Variants in CAMK4 observed in about 807,000 individuals in gnomAD.
CAMK4 encodes calcium/calmodulin dependent protein kinase IV.
In CAMK4, 22 loss-of-function variants were observed where a neutral mutation model predicts 44.9. That is an observed-to-expected ratio of 0.49 (90% CI 0.35 to 0.70). CAMK4 has a LOEUF of 0.70. CAMK4 is among the 30% of genes least tolerant of loss of function. The pLI is 0.01. For synonymous variants in CAMK4, 218 were observed against 215.4 expected, an observed-to-expected ratio of 1.01 and a Z score of -0.11; for missense variants, 498 against 586.8, an observed-to-expected ratio of 0.85 and a Z score of 1.56.
chr5:111,224,718 A>T lies in CAMK4; in HGVS notation c.161+74A>T. 7.0e-7 allele frequency: 1 copy of T among 1,423,326 alleles called. No individual in the cohort carries two copies. Among genetic ancestry groups the T allele is most frequent in the Non-Finnish European group, 9.6e-7 (1 of 1,045,410 alleles). 88.2% of individuals were successfully genotyped at this position (1,423,326 alleles called of 1,614,324 possible). ...TGTCCCTCTCGCAGCGACGGCTCGG[A>T]GGGTGCGGGAGCCTGCCTTCGTGCC... On this transcript the variant is annotated intron_variant, in intron 1 of 10. Coordinates refer to ENST00000282356, the MANE Select transcript of CAMK4 (RefSeq NM_001744.6). This position sits in a 1 kb window ranked among gnomAD's most constrained non-coding sequence, Gnocchi z 5.7.
intron 1 of CAMK4, among the ~76,000 whole-genome samples, chr5:111,264,896 G>T (rs765030921): frequency 7.9e-5 from 12 of 152,056 alleles, no homozygotes; most frequent in Non-Finnish European, 1.5e-4. Context: ...CATGGTGTCA[G>T]ATCCCTCTGT....
At chr5:111,410,372 A>G (rs1465973692) in intron 5 of CAMK4, among the ~76,000 whole-genome samples, 1 of 152,194 alleles carries the variant, frequency 6.6e-6, no homozygotes, top group Non-Finnish European at 1.5e-5. Flanking sequence ...CGAGAACAGT[A>G]TGGGGAACTG....
chr5:111,416,337 A>T (rs1460671021), intron 5 of CAMK4, among the ~76,000 whole-genome samples: 2 of 152,212 alleles, frequency 1.3e-5, no homozygotes, highest in Non-Finnish European at 1.5e-5. Flanking sequence ...ATATTACATT[A>T]TATTAATATT....
At chr5:111,393,205 A>G (rs1206923975) in intron 4 of CAMK4, among the ~76,000 whole-genome samples, 1 of 152,230 alleles carries the variant, frequency 6.6e-6, no homozygotes, top group East Asian at 1.9e-4. Context: ...ATAATCAATT[A>G]CTGTTATTGT....
rs76641686 is a variant in CAMK4, at chr5:111,436,908, A to C, written c.460-9778A>C. ...TGAATATTCAGATCAACTTCAAAGC[A>C]TGTGAAGAAATTAATTCAGCTATAA... is the stretch of plus-strand genomic sequence containing the variant. On this transcript the variant is annotated intron_variant, in intron 5 of 10. Coordinates refer to ENST00000282356, the MANE Select transcript of CAMK4 (RefSeq NM_001744.6). 4.7e-3 allele frequency among the ~76,000 whole-genome samples: 720 copies of C among 152,350 alleles called. 5 individuals are homozygous for C. The highest frequency in any genetic ancestry group is 0.016 in the African/African-American group (673 of 41,576).
At chr5:111,280,089 T>C (rs1278157094) in intron 1 of CAMK4, among the ~76,000 whole-genome samples, 1 of 152,236 alleles carries the variant, frequency 6.6e-6, no homozygotes, top group Admixed American at 6.5e-5. Flanking sequence ...GAAGGCAGTT[T>C]TCATGAAAAG....
chr5:111,344,593 C>T (rs1749792947), intron 2 of CAMK4, among the ~76,000 whole-genome samples: 1 of 151,796 alleles, frequency 6.6e-6, no homozygotes. Context: ...AAATGTTGCA[C>T]TTGCTTCAGT....
At chr5:111,264,502 C>A (rs1750140920) in intron 1 of CAMK4, among the ~76,000 whole-genome samples, 1 of 152,248 alleles carries the variant, frequency 6.6e-6, no homozygotes, top group South Asian at 2.1e-4. Flanking sequence ...CTATCAGATA[C>A]CCTAAGCCTT....
At chr5:111,408,327 A>T (rs1476079683) in intron 5 of CAMK4, among the ~76,000 whole-genome samples, 1 of 152,196 alleles carries the variant, frequency 6.6e-6, no homozygotes, top group East Asian at 1.9e-4. Flanking sequence ...ATGGCTGGGG[A>T]GGCCTCACCA....
Position 111,227,783 on chromosome 5 carries a change from C to T in CAMK4, c.161+3139C>T, listed in dbSNP as rs551736380. Among the ~76,000 whole-genome samples, 38 of 152,290 alleles carry T rather than the reference C, an allele frequency of 2.5e-4. No individual in the cohort carries two copies. The South Asian group carries it at 7.5e-3, about 30-fold the overall frequency. On this transcript the variant is annotated intron_variant, in intron 1 of 10. Coordinates refer to ENST00000282356, the MANE Select transcript of CAMK4 (RefSeq NM_001744.6). Reference sequence around the variant, plus strand: ...TAAAAGTATCAGGCAAAGTAATTTTCCTAAAATCACATTTGAAGACACTGT... The same window carrying T: ...TAAAAGTATCAGGCAAAGTAATTTTTCTAAAATCACATTTGAAGACACTGT...
intron 4 of CAMK4, among the ~76,000 whole-genome samples, chr5:111,383,230 C>T (rs1338002972): frequency 6.6e-6 from 1 of 152,122 alleles, no homozygotes; most frequent in Admixed American, 6.6e-5. Flanking sequence ...GGAATGAGAT[C>T]TAGAGTCAGA....
chr5:111,402,761 A>C (rs1752277978), intron 5 of CAMK4, among the ~76,000 whole-genome samples: 1 of 152,186 alleles, frequency 6.6e-6, no homozygotes, highest in Admixed American at 6.5e-5. Flanking sequence ...AAGGGAAGAA[A>C]AGCCATTTCT....
At chr5:111,412,067 G>A (rs1347682137) in intron 5 of CAMK4, among the ~76,000 whole-genome samples, 1 of 151,982 alleles carries the variant, frequency 6.6e-6, no homozygotes, top group Middle Eastern at 3.2e-3. Flanking sequence ...ATAATAAAAG[G>A]TTACAGAAAC....
chr5:111,432,679 T>C (rs1448493370), intron 5 of CAMK4, among the ~76,000 whole-genome samples: 1 of 148,284 alleles, frequency 6.7e-6, no homozygotes, highest in Non-Finnish European at 1.5e-5. Context: ...TATATATATA[T>C]ATACATTTAT....
Position 111,224,513 on chromosome 5 carries a change from C to G in CAMK4, c.30C>G (p.Ser10=). 1 of 1,610,488 alleles carries G rather than the reference C, an allele frequency of 6.2e-7. No individual in the cohort carries two copies. The highest frequency in any genetic ancestry group is 1.1e-5 in the South Asian group (1 of 90,692). Residue 10 remains serine, a synonymous_variant, in exon 1 of 11, where the codon TCC becomes TCG. Coordinates refer to ENST00000282356, the MANE Select transcript of CAMK4 (RefSeq NM_001744.6). The surrounding 1 kb of genome is among the most constrained non-coding windows in gnomAD (Gnocchi z 5.7). ...TCAAAGTCACGGTGCCCTCCTGCTCCGCCTCGTCCTGCTCTTCGGTCACCG... is the reference window on the plus strand; with the variant it reads ...TCAAAGTCACGGTGCCCTCCTGCTCGGCCTCGTCCTGCTCTTCGGTCACCG... MLKVTVPSC[S]ASSCSSVTAS... is the part of the protein sequence containing the mutation.
At chr5:111,474,441 T>C (rs1755168021) in intron 8 of CAMK4, among the ~76,000 whole-genome samples, 1 of 152,118 alleles carries the variant, frequency 6.6e-6, no homozygotes, top group Non-Finnish European at 1.5e-5. Flanking sequence ...GAAAGCAAGC[T>C]CTGTGTACTC....
chr5:111,369,587 G>A (rs1033924264), intron 2 of CAMK4, among the ~76,000 whole-genome samples: 4 of 151,800 alleles, frequency 2.6e-5, no homozygotes, highest in African/African-American at 4.8e-5. Flanking sequence ...TGATCTAATC[G>A]AACACAGCTT....
intron 7 of CAMK4, among the ~76,000 whole-genome samples, chr5:111,456,999 C>T (rs903696033): frequency 1.3e-5 from 2 of 152,170 alleles, no homozygotes; most frequent in Non-Finnish European, 2.9e-5. Flanking sequence ...TCTGATCTGT[C>T]AGTGCCACTT....
chr5:111,347,027 C>T (rs1749901795), intron 2 of CAMK4, among the ~76,000 whole-genome samples: 1 of 151,888 alleles, frequency 6.6e-6, no homozygotes, highest in Non-Finnish European at 1.5e-5. Context: ...AATCATAAAT[C>T]AATATATGGA....
Sources: gnomAD v4.1 joint callset for allele counts (sites outside exome capture counted in the v4.1 genomes callset) on GRCh38, gnomAD v4.1.1 for gene constraint, Gnocchi (gnomAD v3.1) non-coding constraint, MANE v1.5 for transcripts, NCBI Gene and HGNC (gene_info 2026-07-23, HGNC 2026-07-21) for gene names.